The following SCMH1 variants were observed in gnomAD, a reference collection of about 807,000 sequenced individuals.
The protein encoded by SCMH1 is Scm polycomb group protein homolog 1.
SCMH1 carries 37 observed loss-of-function variants against 70.8 expected under a neutral mutation model. That is an observed-to-expected ratio of 0.52 (90% CI 0.40 to 0.69). The LOEUF (loss-of-function observed/expected upper bound fraction) is 0.69. Among genes scored for constraint, SCMH1 ranks in the 30% least tolerant of loss-of-function variants. The pLI, the probability that SCMH1 is intolerant of heterozygous loss-of-function variation, is 0.00. For synonymous variants in SCMH1, 292 were observed against 307.4 expected, an observed-to-expected ratio of 0.95 and a Z score of 0.52; for missense variants, 607 against 827.3, an observed-to-expected ratio of 0.73 and a Z score of 3.27.
At chr1:41,116,928 G>C in exon 7 of SCMH1, 1 of 1,598,008 alleles carries the variant, frequency 6.3e-7, no homozygotes, top group Non-Finnish European at 8.5e-7. Context: ...CTACCTTGTG[G>C]AAAATCCTGA....
chr1:41,112,561 C>T (rs1669509530), intron 8 of SCMH1, among the ~76,000 whole-genome samples: 1 of 151,688 alleles, frequency 6.6e-6, no homozygotes, highest in African/African-American at 2.4e-5. Flanking sequence ...GATAATATAG[C>T]ATATTGTAAT....
chr1:41,056,637 CTATT>C (rs1161429197), intron 10 of SCMH1, among the ~76,000 whole-genome samples: 1 of 152,220 alleles, frequency 6.6e-6, no homozygotes, highest in Non-Finnish European at 1.5e-5. Context: ...TCAGGGCAAA[CTATT>C]AGCCCTCAAA....
chr1:41,049,207 C>T (rs543661021), intron 10 of SCMH1, among the ~76,000 whole-genome samples: 10 of 152,102 alleles, frequency 6.6e-5, no homozygotes, highest in South Asian at 2.1e-4. Flanking sequence ...CCCTCTTGTA[C>T]GTACTTCCAT....
At chr1:41,234,970 G>A (rs1662067794) in intron 1 of SCMH1, among the ~76,000 whole-genome samples, 1 of 151,922 alleles carries the variant, frequency 6.6e-6, no homozygotes, top group Non-Finnish European at 1.5e-5. Context: ...GCAGATACAG[G>A]GTTTCACCAA....
At chr1:41,132,232 T>G (rs1320514278) in intron 6 of SCMH1, among the ~76,000 whole-genome samples, 1 of 152,230 alleles carries the variant, frequency 6.6e-6, no homozygotes, top group African/African-American at 2.4e-5. Context: ...TTTTTAATGA[T>G]CGCCATTCTA....
At chr1:41,111,375 T>C (rs191169940) in intron 8 of SCMH1, among the ~76,000 whole-genome samples, 1 of 152,360 alleles carries the variant, frequency 6.6e-6, no homozygotes, top group East Asian at 1.9e-4. Flanking sequence ...AGTCTCGCTC[T>C]GTCGCCCAGG....
intron 13 of SCMH1, 34 bp from the exon 15 acceptor site, chr1:41,028,760 G>A (rs1234199626): frequency 1.1e-5 from 17 of 1,608,714 alleles, no homozygotes; most frequent in East Asian, 4.5e-5. Context: ...CATAAAGGGC[G>A]GGGACTGGTT....
At chr1:41,212,243 G>A (rs1287772975) in intron 1 of SCMH1, among the ~76,000 whole-genome samples, 1 of 151,986 alleles carries the variant, frequency 6.6e-6, no homozygotes, top group Non-Finnish European at 1.5e-5. Flanking sequence ...ATTACATAAA[G>A]GTAATGAGTG....
intron 1 of SCMH1, among the ~76,000 whole-genome samples, chr1:41,234,750 A>G (rs1662015942): frequency 6.6e-6 from 1 of 151,984 alleles, no homozygotes; most frequent in Non-Finnish European, 1.5e-5. Flanking sequence ...CTGGGATTAC[A>G]GGCATGAGCC....
chr1:41,238,112 G>A (rs1050977874), intron 1 of SCMH1, among the ~76,000 whole-genome samples: 2 of 152,210 alleles, frequency 1.3e-5, no homozygotes, highest in African/African-American at 4.8e-5. Context: ...AAGCTAGTAA[G>A]TGACAGAGTC....
rs148897535 is a variant in SCMH1 at position 41,037,372 on chromosome 1, T to C, written c.1668A>G (p.Leu556=). Residue 556 remains leucine, a synonymous_variant, in exon 13 of 15, where the codon CTA becomes CTG. Coordinates refer to ENST00000337495, the Ensembl canonical transcript of SCMH1. ...CTCTGGTAAGCTTACCCCTGGAGCA[T>C]AGCCTGCGCACAGCTGAGGCAGTGC... is the stretch of plus-strand genomic sequence containing the variant. 761 of 1,614,000 alleles carry C rather than the reference T, an allele frequency of 4.7e-4. 1 individual carries two copies. The highest frequency in any genetic ancestry group is 2.2e-3 in the Middle Eastern group (13 of 6,036).
chr1:41,061,873 AT>A (rs531137698), intron 10 of SCMH1, among the ~76,000 whole-genome samples: 1 of 150,800 alleles, frequency 6.6e-6, no homozygotes, highest in African/African-American at 2.4e-5. Flanking sequence ...AAAATTTCTC[AT>A]TTTTTTTTGA....
exon 2 of SCMH1, chr1:41,186,121 C>T (rs1225754790): frequency 6.5e-7 from 1 of 1,543,386 alleles, no homozygotes; most frequent in South Asian, 1.2e-5. Context: ...AGATACTTAC[C>T]ATTAGGCTGC....
At chr1:41,085,586 T>TGTA (rs1416895429) in intron 8 of SCMH1, among the ~76,000 whole-genome samples, 2 of 152,196 alleles carry the variant, frequency 1.3e-5, no homozygotes, top group African/African-American at 4.8e-5. Context: ...AATCTGTATT[T>TGTA]GTAGATGACA....
intron 2 of SCMH1, among the ~76,000 whole-genome samples, chr1:41,185,533 A>G (rs140991827): frequency 8.8e-4 from 134 of 152,312 alleles, no homozygotes; most frequent in East Asian, 7.7e-3. Flanking sequence ...TTTAAACTAC[A>G]TAAGTGGCTT....
chr1:41,240,121 C>G (rs902912073), intron 1 of SCMH1, among the ~76,000 whole-genome samples: 15 of 152,190 alleles, frequency 9.9e-5, no homozygotes, highest in Non-Finnish European at 1.9e-4. Flanking sequence ...AACATTTGCA[C>G]AAACATACCT....
intron 1 of SCMH1, among the ~76,000 whole-genome samples, chr1:41,235,432 G>A (rs181398976): frequency 5.3e-4 from 81 of 151,680 alleles, no homozygotes; most frequent in Non-Finnish European, 8.5e-4. Context: ...TTAGCCAGGC[G>A]TGGTGGTGCA....
At chr1:41,216,621 A>G (rs1658143978) in intron 1 of SCMH1, among the ~76,000 whole-genome samples, 1 of 152,220 alleles carries the variant, frequency 6.6e-6, no homozygotes, top group African/African-American at 2.4e-5. Context: ...TGATCTCTTG[A>G]GATAAAGCCA....
intron 8 of SCMH1, among the ~76,000 whole-genome samples, chr1:41,090,692 TA>T (rs1226744034): frequency 6.6e-6 from 1 of 152,042 alleles, no homozygotes; most frequent in Non-Finnish European, 1.5e-5. Flanking sequence ...AATTAAAAGT[TA>T]AAAAAATTAA....
Sources: allele counts gnomAD v4.1 joint callset (sites outside exome capture counted in the v4.1 genomes callset), GRCh38; gene constraint gnomAD v4.1.1; transcripts MANE v1.5; gene names NCBI Gene and HGNC (gene_info 2026-07-23, HGNC 2026-07-21).